COL12A1: variants seen among roughly 807,000 people sequenced by gnomAD.
COL12A1 encodes the protein collagen type XII alpha 1 chain, also known as collagen alpha-1(XII) chain.
In COL12A1, 114 loss-of-function variants were observed where a neutral mutation model predicts 349.7. That is an observed-to-expected ratio of 0.33 (90% CI 0.28 to 0.38). The LOEUF is 0.38. Ranked by LOEUF, COL12A1 falls within the 10% of genes least tolerant of loss-of-function variation. The pLI, the probability that COL12A1 is intolerant of heterozygous loss-of-function variation, is 1.00. For missense variants in COL12A1, 3,284 were observed against 3,756.9 expected (o/e 0.87, Z 3.29); for synonymous variants, 1,369 against 1,329.0 (o/e 1.03, Z -0.66).
In COL12A1 at chr6:75,192,197, T is replaced by G; in HGVS notation, c.334+15A>C. 2 of 1,479,642 alleles carry G rather than the reference T, an allele frequency of 1.4e-6. No individual in the cohort carries two copies. Among genetic ancestry groups the G allele is most frequent in the Non-Finnish European group, 1.8e-6 (2 of 1,105,616 alleles). 91.7% of individuals were successfully genotyped at this position (1,479,642 alleles called of 1,614,324 possible). A position where few individuals can be genotyped will look rare whatever the true frequency, so the allele number is the denominator to read the frequency against. ...TAAAAATTATACAAATATTTTATTT[T>G]ATATGTGTGCTTACTTGTTAGTTGT... On this transcript the variant is annotated intron_variant, in intron 4 of 65. Transcript: ENST00000322507.
At chr6:75,189,065 A>C in intron 7 of COL12A1, 152 bp downstream of exon 7, 1 of 816,068 alleles carries the variant, frequency 1.2e-6, no homozygotes, top group Non-Finnish European at 1.8e-6. Flanking sequence ...ATTTTTACTT[A>C]AAGACAATTT....
chr6:75,155,950 G>C (rs969516141), intron 15 of COL12A1, 96 bp from the exon 16 acceptor site: 1 of 1,301,968 alleles, frequency 7.7e-7, no homozygotes, highest in Non-Finnish European at 1.0e-6. Flanking sequence ...TCCATAAAAA[G>C]GGTTTAAGTC....
intron 37 of COL12A1, among the ~76,000 whole-genome samples, chr6:75,129,266 A>G (rs1408791023): frequency 6.6e-6 from 1 of 152,222 alleles, no homozygotes; most frequent in Non-Finnish European, 1.5e-5. Context: ...TAATAAAAAT[A>G]GGGACTTGAA....
intron 13 of COL12A1, among the ~76,000 whole-genome samples, chr6:75,169,393 G>A (rs2149443977): frequency 6.6e-6 from 1 of 152,268 alleles, no homozygotes; most frequent in Non-Finnish European, 1.5e-5. Flanking sequence ...TCTAGGAGAG[G>A]TTACTGCTCC....
chr6:75,197,313 C>CT (rs111304837), intron 2 of COL12A1, among the ~76,000 whole-genome samples: 51 of 141,772 alleles, frequency 3.6e-4, no homozygotes, highest in Non-Finnish European at 5.8e-4. Flanking sequence ...CTTTTCTTTT[C>CT]TTTTTTTTTT....
Position 75,138,571 on chromosome 6 carries a change from T to C in COL12A1, c.5107A>G (p.Asn1703Asp). 1 of 1,613,650 alleles carries C rather than the reference T, an allele frequency of 6.2e-7. No homozygotes were observed. The highest frequency in any genetic ancestry group is 8.5e-7 in the Non-Finnish European group (1 of 1,179,832). Reference protein sequence around the residue: ...GSSDKMETILNGDENTLVFEN... With the variant: ...GSSDKMETILDGDENTLVFEN... ...AACACCAAAGTGTTTTCATCTCCATTTAAGATGGTCTTGGAGAAAGAGGAC... is the reference window on the plus strand; with the variant it reads ...AACACCAAAGTGTTTTCATCTCCATCTAAGATGGTCTTGGAGAAAGAGGAC... Residue 1703 changes from asparagine (N) to aspartate (D), a missense_variant, in exon 29 of 66, where the codon AAT becomes GAT. Physicochemically the swap from Asn to Asp is conservative, Grantham distance 23. Coordinates refer to ENST00000322507, the MANE Select transcript of COL12A1 (RefSeq NM_004370.6).
At chr6:75,118,986 G>A in intron 46 of COL12A1, 57 bp downstream of exon 46, 2 of 1,604,986 alleles carry the variant, frequency 1.2e-6, no homozygotes, top group Non-Finnish European at 1.7e-6. Context: ...GCAATCATTT[G>A]TGAACATTTA....
chr6:75,198,510 C>T (rs1412818979), intron 2 of COL12A1, among the ~76,000 whole-genome samples: 2 of 151,242 alleles, frequency 1.3e-5, no homozygotes, highest in Middle Eastern at 3.5e-3. Context: ...TATTATTATA[C>T]ATATATACAT....
At chr6:75,136,865 A>G (rs1356853803) in intron 31 of COL12A1, among the ~76,000 whole-genome samples, 1 of 152,186 alleles carries the variant, frequency 6.6e-6, no homozygotes, top group Admixed American at 6.5e-5. Flanking sequence ...TAGGAAGAGA[A>G]AGAGGATGAA....
chr6:75,140,655 C>CAA (rs1236499281), intron 27 of COL12A1, among the ~76,000 whole-genome samples: 464 of 43,334 alleles, frequency 0.011, 3 homozygotes, highest in Middle Eastern at 0.023. Flanking sequence ...GACTCTGTCT[C>CAA]AAAAAAAAAA....
chr6:75,202,632 A>C, intron 2 of COL12A1, 88 bp downstream of exon 2: 2 of 1,310,502 alleles, frequency 1.5e-6, no homozygotes, highest in Non-Finnish European at 2.1e-6. Context: ...CAGGGAAAAC[A>C]GAGCAAGCAA....
chr6:75,148,567 T>A, intron 21 of COL12A1, 70 bp from the exon 22 acceptor site: 1 of 1,347,846 alleles, frequency 7.4e-7, no homozygotes, highest in Non-Finnish European at 1.0e-6. Flanking sequence ...TGAAATGACA[T>A]TGAAACAATA....
At chr6:75,190,392 T>C (rs1468427729) in intron 5 of COL12A1, among the ~76,000 whole-genome samples, 2 of 151,976 alleles carry the variant, frequency 1.3e-5, no homozygotes, top group Non-Finnish European at 2.9e-5. Context: ...TAAGGGAGCC[T>C]GATAGAAGTA....
At chr6:75,164,724 C>A (rs1342301012) in intron 14 of COL12A1, among the ~76,000 whole-genome samples, 2 of 152,096 alleles carry the variant, frequency 1.3e-5, no homozygotes, top group African/African-American at 4.8e-5. Context: ...ACTGCTGAAC[C>A]TACACTGACA....
At chr6:75,128,970 AG>A (rs1445977667) in intron 37 of COL12A1, among the ~76,000 whole-genome samples, 2 of 152,230 alleles carry the variant, frequency 1.3e-5, no homozygotes, top group African/African-American at 4.8e-5. Flanking sequence ...CTCTTCGAAG[AG>A]GAAATGAACC....
rs557622937 is a variant in COL12A1 at position 75,145,399 on chromosome 6, C to A, written c.4617G>T (p.Thr1539=). The A allele has an allele frequency of 6.2e-7, 1 of 1,613,970 alleles. No individual in the cohort carries two copies. Among genetic ancestry groups the A allele is most frequent in the African/African-American group, 1.3e-5 (1 of 75,044 alleles). ...CAGCCTGGACTGTGACTGCATACTC[C>A]GTGTTGGGAACAAGGTCAGTCAGCT... The part of the protein sequence containing the change: ...DMQLTDLVPN[T]EYAVTVQAVL... Residue 1539 remains threonine (T), a synonymous_variant, in exon 25 of 66, where the codon ACG becomes ACT. Coordinates refer to ENST00000322507, the MANE Select transcript of COL12A1 (RefSeq NM_004370.6).
chr6:75,165,411 G>GA (rs1416791955), intron 14 of COL12A1, 96 bp downstream of exon 14: 3 of 1,463,706 alleles, frequency 2.0e-6, no homozygotes, highest in Admixed American at 4.1e-5. Flanking sequence ...ATCATGTAAA[G>GA]AAAAAACATT....
chr6:75,141,784 C>T (rs1266658749), intron 27 of COL12A1, among the ~76,000 whole-genome samples: 1 of 152,072 alleles, frequency 6.6e-6, no homozygotes, highest in East Asian at 1.9e-4. Flanking sequence ...AGGTGCACAT[C>T]AAGTAGTTGT....
At chr6:75,107,006 C>T (rs1044506402) in intron 52 of COL12A1, among the ~76,000 whole-genome samples, 1 of 140,542 alleles carries the variant, frequency 7.1e-6, no homozygotes, top group African/African-American at 2.7e-5. Context: ...GGTTCAAATG[C>T]TTTTCGTGCC....
Sources: allele counts gnomAD v4.1 joint callset (sites outside exome capture counted in the v4.1 genomes callset), GRCh38; gene constraint gnomAD v4.1.1; transcripts MANE v1.5; gene names NCBI Gene and HGNC (gene_info 2026-07-23, HGNC 2026-07-21).